The following GRIN2A variants were observed in gnomAD, a reference collection of about 807,000 sequenced individuals.
GRIN2A encodes the protein glutamate ionotropic receptor NMDA type subunit 2A, also known as glutamate receptor ionotropic, NMDA 2A.
Under a neutral mutation model 113.4 loss-of-function variants are expected in GRIN2A, and 22 were observed. The ratio of observed to expected loss-of-function variants is 0.19; its 90% CI spans 0.14 to 0.28. GRIN2A has a LOEUF of 0.28. Ranked by LOEUF, GRIN2A falls within the 10% of genes least tolerant of loss-of-function variation. The pLI is 1.00. For missense variants in GRIN2A, 1,502 were observed against 1,887.0 expected (o/e 0.80, Z 3.78); for synonymous variants, 827 against 738.4 (o/e 1.12, Z -1.94).
intron 2 of GRIN2A, among the ~76,000 whole-genome samples, chr16:10,178,294 G>A (rs778477486): frequency 6.6e-6 from 1 of 152,124 alleles, no homozygotes; most frequent in Non-Finnish European, 1.5e-5. Flanking sequence ...AAATGAAACT[G>A]ATCCCTTGTC....
chr16:9,885,594 G>T (rs1321460088), intron 4 of GRIN2A, among the ~76,000 whole-genome samples: 4 of 152,178 alleles, frequency 2.6e-5, no homozygotes, highest in Non-Finnish European at 5.9e-5. Context: ...CTCATTACAT[G>T]CTGCTGCTTT....
chr16:10,050,172 G>A (rs1435728371), intron 2 of GRIN2A, among the ~76,000 whole-genome samples: 1 of 152,190 alleles, frequency 6.6e-6, no homozygotes, highest in African/African-American at 2.4e-5. Flanking sequence ...GAGGGAGGTA[G>A]AAAGGGCAGA....
chr16:9,893,328 C>A (rs2043735545), intron 3 of GRIN2A, among the ~76,000 whole-genome samples: 1 of 152,106 alleles, frequency 6.6e-6, no homozygotes, highest in Non-Finnish European at 1.5e-5. Flanking sequence ...TCTTCAAGTT[C>A]TCTGCAATCA....
At chr16:10,002,499 G>C (rs1292904955) in intron 2 of GRIN2A, among the ~76,000 whole-genome samples, 1 of 152,210 alleles carries the variant, frequency 6.6e-6, no homozygotes. Flanking sequence ...AGGTGGGTAA[G>C]AGAAGGAAGT....
rs1465126724 is a variant in GRIN2A, at chr16:9,891,033, G to C, written c.1075C>G (p.Pro359Ala). The C allele has an allele frequency of 6.2e-7, 1 of 1,613,304 alleles. No individual in the cohort carries two copies. The highest frequency in any genetic ancestry group is 8.5e-7 in the Non-Finnish European group (1 of 1,179,304). Residue 359 changes from proline (P) to alanine (A), a missense_variant, in exon 4 of 13, where the codon CCC becomes GCC. Transcript: ENST00000330684. Reference protein sequence around the residue: ...SFTEEGYQVHPRLVVIVLNKD... With the variant: ...SFTEEGYQVHARLVVIVLNKD... ...TTCAGCACAATCACCACCAGCCTGGGGTGCACCTGGTAGCCTTCCTCAGTG... is the reference window on the plus strand; with the variant it reads ...TTCAGCACAATCACCACCAGCCTGGCGTGCACCTGGTAGCCTTCCTCAGTG...
chr16:10,090,015 T>TA lies in GRIN2A; in HGVS notation c.414+89982dup, dbSNP rs557482917. Reference sequence around the variant, plus strand: ...CCAAGACATAGATGATACCATGTGATAAAAAAAAATCTTAAGATACATTTA... The same window carrying TA: ...CCAAGACATAGATGATACCATGTGATAAAAAAAAAATCTTAAGATACATTTA... On this transcript the variant is annotated intron_variant, in intron 2 of 12. Transcript: ENST00000330684. 3.1e-4 allele frequency among the ~76,000 whole-genome samples: 47 copies of TA among 151,758 alleles called. No individual in the cohort carries two copies. The East Asian group carries it at 4.6e-3, about 15-fold the overall frequency.
chr16:9,990,194 C>T (rs1321706545), intron 2 of GRIN2A, among the ~76,000 whole-genome samples: 1 of 152,140 alleles, frequency 6.6e-6, no homozygotes, highest in African/African-American at 2.4e-5. Context: ...TGGAATGCTA[C>T]ACAGCCATAA....
chr16:10,027,986 A>G (rs1348148591), intron 2 of GRIN2A, among the ~76,000 whole-genome samples: 1 of 152,172 alleles, frequency 6.6e-6, no homozygotes, highest in African/African-American at 2.4e-5. Flanking sequence ...GGCTTCTCAC[A>G]GAACAGTGCG....
chr16:9,813,593 AT>A (rs1223010663), intron 10 of GRIN2A, among the ~76,000 whole-genome samples: 1 of 143,774 alleles, frequency 7.0e-6, no homozygotes, highest in Non-Finnish European at 1.5e-5. Flanking sequence ...CCCCACAGAC[AT>A]TTTTTTCTAC....
At chr16:9,992,006 A>T (rs1182511193) in intron 2 of GRIN2A, among the ~76,000 whole-genome samples, 1 of 152,148 alleles carries the variant, frequency 6.6e-6, no homozygotes, top group South Asian at 2.1e-4. Context: ...ACCATGGCAC[A>T]TGTATACCTA....
chr16:10,075,287 G>C (rs557296536), intron 2 of GRIN2A, among the ~76,000 whole-genome samples: 32 of 152,022 alleles, frequency 2.1e-4, no homozygotes, highest in Non-Finnish European at 4.1e-4. Context: ...TACTAAATCA[G>C]ATTAGGAAAC....
intron 2 of GRIN2A, among the ~76,000 whole-genome samples, chr16:9,940,419 T>G (rs11074504): frequency 0.42 from 64,588 of 152,024 alleles, 14,182 homozygotes; most frequent in African/African-American, 0.46. Context: ...TTGTTTTCCC[T>G]ACAGTAGCTT....
At chr16:9,971,853 T>C (rs1174696012) in intron 2 of GRIN2A, among the ~76,000 whole-genome samples, 1 of 151,898 alleles carries the variant, frequency 6.6e-6, no homozygotes, top group Non-Finnish European at 1.5e-5. Flanking sequence ...AGAGTAAAAA[T>C]AGCCAGTAGA....
chr16:9,980,067 C>T (rs533820321), intron 2 of GRIN2A, among the ~76,000 whole-genome samples: 3 of 151,662 alleles, frequency 2.0e-5, no homozygotes, highest in African/African-American at 7.3e-5. Context: ...CAAGACCAGC[C>T]TGGCCAACAT....
rs1363361753 is a variant in GRIN2A at position 9,764,468 on chromosome 16, G to C, written c.3076C>G (p.Leu1026Val). Residue 1026 changes from leucine (L) to valine (V), a missense_variant, in exon 13 of 13, where the codon CTA becomes GTA. By Grantham distance (32) the Leu-to-Val change is conservative (BLOSUM62 1). Coordinates refer to ENST00000330684, the MANE Select transcript of GRIN2A (RefSeq NM_001134407.3). ...KSVDSIRQDS[L>V]SQNPVSQRDE... ...CTCTGGGAGACTGGATTCTGGGATA[G>C]TGAATCCTGGCGTATGGAATCCACG... 3 of 1,614,026 alleles carry C rather than the reference G, an allele frequency of 1.9e-6. No homozygotes were observed. Among genetic ancestry groups the C allele is most frequent in the African/African-American group, 1.3e-5 (1 of 74,924 alleles).
chr16:9,977,527 A>G (rs1289628551), intron 2 of GRIN2A, among the ~76,000 whole-genome samples: 1 of 152,212 alleles, frequency 6.6e-6, no homozygotes, highest in Non-Finnish European at 1.5e-5. Flanking sequence ...TAGAAATGAA[A>G]GGAGAGTTCT....
At chr16:10,031,260 TC>T (rs1192866686) in intron 2 of GRIN2A, 3 of 152,234 alleles carry the variant, frequency 2.0e-5, no homozygotes, top group African/African-American at 7.2e-5. Context: ...CTGAGCCTGT[TC>T]CCACCTCAGG....
At chr16:10,089,754 T>C (rs1201631102) in intron 2 of GRIN2A, among the ~76,000 whole-genome samples, 1 of 152,140 alleles carries the variant, frequency 6.6e-6, no homozygotes, top group Non-Finnish European at 1.5e-5. Context: ...AACTATAAGA[T>C]TTCAACAGCA....
rs908149107 is a variant in GRIN2A at position 9,986,525 on chromosome 16, G to A, written c.415-47974C>T. On this transcript the variant is annotated intron_variant, in intron 2 of 12. Coordinates refer to ENST00000330684, the MANE Select transcript of GRIN2A (RefSeq NM_001134407.3). ...CACACCTGTAATCCCAGCACCTTGAGGGGCCAAGGTGGGCGGATCATGAGG... is the reference window on the plus strand; with the variant it reads ...CACACCTGTAATCCCAGCACCTTGAAGGGCCAAGGTGGGCGGATCATGAGG... Among the ~76,000 whole-genome samples the A allele has an allele frequency of 2.6e-5, 4 of 152,148 alleles. No individual in the cohort carries two copies. In the East Asian group the frequency reaches 5.8e-4, roughly 22 times the overall value.
Sources: allele counts gnomAD v4.1 joint callset (sites outside exome capture counted in the v4.1 genomes callset), GRCh38; gene constraint gnomAD v4.1.1; transcripts MANE v1.5; gene names NCBI Gene and HGNC (gene_info 2026-07-23, HGNC 2026-07-21).